PPP2R2B: variants seen among roughly 807,000 people sequenced by gnomAD.
PPP2R2B encodes protein phosphatase 2 regulatory subunit Bbeta, also known as serine/threonine-protein phosphatase 2A 55 kDa regulatory subunit B beta isoform.
Under a neutral mutation model 46.0 loss-of-function variants are expected in PPP2R2B, and 5 were observed. The ratio of observed to expected loss-of-function variants is 0.11; its 90% CI spans 0.06 to 0.23. The LOEUF (loss-of-function observed/expected upper bound fraction) is 0.23. Among genes scored for constraint, PPP2R2B ranks in the 10% least tolerant of loss-of-function variants. The pLI, the probability that PPP2R2B is intolerant of heterozygous loss-of-function variation, is 1.00. For synonymous variants in PPP2R2B, 215 were observed against 206.7 expected (o/e 1.04, Z -0.34); for missense variants, 367 against 575.0 (o/e 0.64, Z 3.70).
intron 2 of PPP2R2B, chr5:146,707,182 A>T (rs900966804): frequency 1.3e-6 from 2 of 1,581,512 alleles, no homozygotes; most frequent in African/African-American, 2.7e-5. Context: ...AAGGCTGTTG[A>T]TGTAGCTCTC....
At chr5:147,039,680 C>A (rs1211961979) in intron 1 of PPP2R2B, among the ~76,000 whole-genome samples, 1 of 152,162 alleles carries the variant, frequency 6.6e-6, no homozygotes, top group East Asian at 1.9e-4. Flanking sequence ...TATGCAAGTT[C>A]ATCATTTCAA....
chr5:146,589,333 A>C lies in PPP2R2B; in HGVS notation c.*614T>G, dbSNP rs1770365026. On this transcript the variant is annotated 3_prime_UTR_variant, in exon 10 of 10. Coordinates refer to ENST00000394411, the MANE Select transcript of PPP2R2B (RefSeq NM_181675.4). ...TCTATGGAGCTTACAAAAAAAGAGC[A>C]TAGCAGGGTTGATGTGCCCTTTCCT... is the stretch of plus-strand genomic sequence containing the variant. The C allele has an allele frequency of 1.3e-5, 2 of 152,690 alleles. No homozygotes were observed. The highest frequency in any genetic ancestry group is 2.9e-5 in the Non-Finnish European group (2 of 68,306). The allele number at this position is 152,690 out of a possible 1,614,324, so 9.5% of individuals were successfully genotyped here.
At chr5:146,728,570 G>GAAGTGAT (rs1554129875) in intron 2 of PPP2R2B, among the ~76,000 whole-genome samples, 1 of 152,082 alleles carries the variant, frequency 6.6e-6, no homozygotes, top group Non-Finnish European at 1.5e-5. Flanking sequence ...CAACAGTTGG[G>GAAGTGAT]AAGTGATATG....
intron 1 of PPP2R2B, among the ~76,000 whole-genome samples, chr5:146,948,339 C>T (rs1264857616): frequency 6.6e-6 from 1 of 151,978 alleles, no homozygotes; most frequent in Non-Finnish European, 1.5e-5. Flanking sequence ...CTCATTTATA[C>T]AACGAGGGAT....
intron 2 of PPP2R2B, among the ~76,000 whole-genome samples, chr5:146,820,889 T>C (rs1475440908): frequency 1.3e-5 from 2 of 152,188 alleles, no homozygotes; most frequent in Non-Finnish European, 2.9e-5. Context: ...GAAGCCCTAC[T>C]AATTCTATCT....
At chr5:146,966,400 G>A (rs1752409687) in intron 1 of PPP2R2B, among the ~76,000 whole-genome samples, 1 of 152,114 alleles carries the variant, frequency 6.6e-6, no homozygotes, top group Admixed American at 6.6e-5. Flanking sequence ...TCCTGCTTAT[G>A]TAGACTCCCC....
Position 147,013,334 on chromosome 5 carries a change from C to T in PPP2R2B, c.79+42331G>A, listed in dbSNP as rs1187367247. Among the ~76,000 whole-genome samples, 2 of 99,100 alleles carry T rather than the reference C, an allele frequency of 2.0e-5. 1 individual carries two copies. The highest frequency in any genetic ancestry group is 6.1e-5 in the African/African-American group (2 of 32,618). 65.0% of individuals were successfully genotyped at this position (99,100 alleles called of 152,430 possible). On this transcript the variant is annotated intron_variant, in intron 1 of 8. Transcript: ENST00000336640. ...CCAAGGTAATTTACAGATTCAATGC[C>T]ATCCCCATCAAGCTACCAATGCCTT... is the stretch of plus-strand genomic sequence containing the variant.
At chr5:146,756,472 T>G (rs1282861148) in intron 2 of PPP2R2B, among the ~76,000 whole-genome samples, 1 of 152,162 alleles carries the variant, frequency 6.6e-6, no homozygotes, top group African/African-American at 2.4e-5. Context: ...CATGCTGCAG[T>G]GTGTATTCCA....
intron 7 of PPP2R2B, among the ~76,000 whole-genome samples, chr5:146,626,605 C>T (rs1774081099): frequency 6.6e-6 from 1 of 152,146 alleles, no homozygotes; most frequent in Admixed American, 6.5e-5. Flanking sequence ...ATTCAGGATG[C>T]CCCCAGGTGC....
chr5:146,904,781 G>A (rs146374772), intron 1 of PPP2R2B, among the ~76,000 whole-genome samples: 402 of 152,208 alleles, frequency 2.6e-3, no homozygotes, highest in Middle Eastern at 6.8e-3. Context: ...ATGAGGGCAC[G>A]GACATGGTAC....
At chr5:146,732,278 C>A (rs936279476) in intron 2 of PPP2R2B, among the ~76,000 whole-genome samples, 3 of 152,210 alleles carry the variant, frequency 2.0e-5, no homozygotes, top group African/African-American at 7.2e-5. Flanking sequence ...AATGCACATA[C>A]ATTGATAAAA....
At chr5:146,609,402 A>G (rs1772621982) in intron 7 of PPP2R2B, among the ~76,000 whole-genome samples, 1 of 152,256 alleles carries the variant, frequency 6.6e-6, no homozygotes, top group Non-Finnish European at 1.5e-5. Flanking sequence ...AAGAAAAAGT[A>G]AAATTATCCT....
At chr5:146,649,145 G>A (rs1159659045) in intron 6 of PPP2R2B, among the ~76,000 whole-genome samples, 1 of 152,172 alleles carries the variant, frequency 6.6e-6, no homozygotes, top group Non-Finnish European at 1.5e-5. Context: ...AGGGATATAT[G>A]CGTTGATTTG....
At chr5:146,901,623 G>T (rs886806874) in intron 1 of PPP2R2B, among the ~76,000 whole-genome samples, 4 of 152,082 alleles carry the variant, frequency 2.6e-5, no homozygotes, top group African/African-American at 9.7e-5. Flanking sequence ...GGTCCTAGAT[G>T]CTGTGTCAAC....
chr5:146,639,698 T>C (rs551924625), intron 6 of PPP2R2B, among the ~76,000 whole-genome samples: 3 of 152,370 alleles, frequency 2.0e-5, no homozygotes, highest in Non-Finnish European at 2.9e-5. Context: ...TTTTGCCCTA[T>C]CTGTGCATCA....
At chr5:146,814,192 A>T (rs1270564571) in intron 2 of PPP2R2B, among the ~76,000 whole-genome samples, 1 of 117,626 alleles carries the variant, frequency 8.5e-6, no homozygotes, top group Non-Finnish European at 1.8e-5. Flanking sequence ...GAAAACAGCT[A>T]AAAAAAAAAA....
intron 1 of PPP2R2B, among the ~76,000 whole-genome samples, chr5:146,986,412 C>G (rs1463206783): frequency 1.3e-5 from 2 of 152,158 alleles, no homozygotes; most frequent in Admixed American, 6.5e-5. Context: ...AAACACTTCA[C>G]CATTGGCTGA....
exon 1 of PPP2R2B, chr5:147,055,754 A>G (rs745337257): frequency 3.7e-6 from 6 of 1,605,012 alleles, no homozygotes; most frequent in Non-Finnish European, 5.1e-6. Flanking sequence ...CTTCCAAATA[A>G]AAAATAAAAA....
intron 1 of PPP2R2B, among the ~76,000 whole-genome samples, chr5:146,947,340 G>T (rs982766982): frequency 6.6e-6 from 1 of 152,112 alleles, no homozygotes; most frequent in Admixed American, 6.6e-5. Flanking sequence ...TGAATATGTG[G>T]TTTAGACATC....
Sources: allele counts gnomAD v4.1 joint callset (sites outside exome capture counted in the v4.1 genomes callset), GRCh38; gene constraint gnomAD v4.1.1; transcripts MANE v1.5; gene names NCBI Gene and HGNC (gene_info 2026-07-23, HGNC 2026-07-21).